SLC39A6: variants seen among roughly 807,000 people sequenced by gnomAD.
The protein encoded by SLC39A6 is zinc transporter ZIP6.
Under a neutral mutation model 63.5 loss-of-function variants are expected in SLC39A6, and 51 were observed. The observed-to-expected ratio is 0.80, with a 90% confidence interval of 0.64 to 1.01. The LOEUF (loss-of-function observed/expected upper bound fraction) is 1.01, where lower values mean the gene tolerates loss of function less well. SLC39A6 is among the 50% of genes least tolerant of loss of function. The pLI, the probability that SLC39A6 is intolerant of heterozygous loss-of-function variation, is 0.00. For synonymous variants in SLC39A6, 318 were observed against 324.7 expected, an observed-to-expected ratio of 0.98 and a Z score of 0.22; for missense variants, 805 against 927.8, an observed-to-expected ratio of 0.87 and a Z score of 1.72.
intron 8 of SLC39A6, 110 bp downstream of exon 8, chr18:36,112,391 T>G: frequency 1.3e-6 from 1 of 767,344 alleles, no homozygotes; most frequent in Non-Finnish European, 2.3e-6. Flanking sequence ...AGCAGACTTA[T>G]GAGAAGGCAT....
chr18:36,124,878 C>T (rs188492739), intron 2 of SLC39A6, among the ~76,000 whole-genome samples, 178 bp from the exon 3 acceptor site: 40 of 152,306 alleles, frequency 2.6e-4, no homozygotes, highest in African/African-American at 8.2e-4. Context: ...ACTATGTCAC[C>T]ACAGTGGTAT....
In SLC39A6 at chr18:36,122,058, CT is replaced by C; in HGVS notation, c.1352del (p.Lys451ArgfsTer34). Reference protein sequence around the residue: ...LTLIKQFKDKKKKNQKKPEND... With the variant: ...LTLIKQFKDKXKKNQKKPEND... Reference sequence around the variant, plus strand: ...TCGGTATACTTTTTCTTACCTTTTTCTTCTTATCTTTAAATTGTTTGATCAA... The same window carrying C: ...TCGGTATACTTTTTCTTACCTTTTTCTCTTATCTTTAAATTGTTTGATCAA... On this transcript the variant is annotated frameshift_variant, in exon 5 of 10. Transcript: ENST00000269187. LOFTEE classifies it high-confidence loss of function. The C allele has an allele frequency of 6.2e-7, 1 of 1,603,814 alleles. No individual in the cohort carries two copies. Among genetic ancestry groups the C allele is most frequent in the Non-Finnish European group, 8.5e-7 (1 of 1,173,382 alleles).
Position 36,114,494 on chromosome 18 carries a change from G to T in SLC39A6, c.1466-20C>A, listed in dbSNP as rs2089328077. ...CAGTTCCTAGGAATAAACATAAAGG[G>T]CATGGGGACAGTTAGAAGGCTTTGT... On this transcript the variant is annotated intron_variant, in intron 6 of 9. Transcript: ENST00000269187. The T allele has an allele frequency of 3.8e-6, 6 of 1,577,602 alleles. No homozygotes were observed. The highest frequency in any genetic ancestry group is 8.6e-7 in the Non-Finnish European group (1 of 1,162,222).
At chr18:36,117,563 G>C (rs2089356231) in intron 5 of SLC39A6, among the ~76,000 whole-genome samples, 1 of 151,976 alleles carries the variant, frequency 6.6e-6, no homozygotes, top group Non-Finnish European at 1.5e-5. Flanking sequence ...TTTGAACAAT[G>C]GTGTCTGTGT....
chr18:36,123,345 A>G (rs2089409267), intron 4 of SLC39A6, 150 bp downstream of exon 4: 2 of 698,568 alleles, frequency 2.9e-6, no homozygotes, highest in Non-Finnish European at 4.7e-6. Context: ...GAGCAGAAAA[A>G]TACAGCTTTC....
chr18:36,116,883 TC>T, intron 5 of SLC39A6, 104 bp from the exon 6 acceptor site: 1 of 706,036 alleles, frequency 1.4e-6, no homozygotes, highest in Non-Finnish European at 2.4e-6. Flanking sequence ...GCCCCCACAG[TC>T]ATCTACTCTT....
At chr18:36,111,388 AG>A (rs2089298524) in intron 8 of SLC39A6, 139 bp from the exon 9 acceptor site, 4 of 727,938 alleles carry the variant, frequency 5.5e-6, no homozygotes, top group Non-Finnish European at 9.0e-6. Context: ...AGAATGACCT[AG>A]GGTTAAAGCA....
rs1161485051 is a variant in SLC39A6 at position 36,114,356 on chromosome 18, G to A, written c.1584C>T (p.Tyr528=). 1 of 1,614,224 alleles carries A rather than the reference G, an allele frequency of 6.2e-7. No homozygotes were observed. The highest frequency in any genetic ancestry group is 8.5e-7 in the Non-Finnish European group (1 of 1,180,042). Residue 528 remains tyrosine, a synonymous_variant, in exon 7 of 10, where the codon TAC becomes TAT. Transcript: ENST00000269187. ...TGCACCCTCTGGGTACATATTCATT[G>A]TAGACTTCCTGTGGATGAGCATGAG... is the stretch of plus-strand genomic sequence containing the variant. ...MIAHAHPQEV[Y]NEYVPRGCKN...
In SLC39A6 at chr18:36,126,597, A is replaced by G. The variant is rs778870799; in HGVS notation, c.411T>C (p.Ser137=). ...DHHSHHNHAA[S]GKNKRKALCP... Reference sequence around the variant, plus strand: ...AAAGAGCTTTTCGCTTATTTTTACCAGAAGCAGCATGATTATGGTGAGAGT... The same window carrying G: ...AAAGAGCTTTTCGCTTATTTTTACCGGAAGCAGCATGATTATGGTGAGAGT... Residue 137 remains serine (S), a synonymous_variant, in exon 2 of 10, where the codon TCT becomes TCC. Coordinates refer to ENST00000269187, the MANE Select transcript of SLC39A6 (RefSeq NM_012319.4). 58 of 1,614,002 alleles carry G rather than the reference A, an allele frequency of 3.6e-5. No homozygotes were observed. Among genetic ancestry groups the G allele is most frequent in the Non-Finnish European group, 4.7e-5 (56 of 1,180,002 alleles).
intron 5 of SLC39A6, among the ~76,000 whole-genome samples, chr18:36,117,725 T>A (rs1186332143): frequency 6.6e-6 from 1 of 152,138 alleles, no homozygotes; most frequent in African/African-American, 2.4e-5. Context: ...ATTCTTAGAT[T>A]TTAAGAGCTT....
At chr18:36,118,537 G>C (rs1162458881) in intron 5 of SLC39A6, among the ~76,000 whole-genome samples, 5 of 152,156 alleles carry the variant, frequency 3.3e-5, no homozygotes, top group Non-Finnish European at 7.3e-5. Flanking sequence ...TCCAGGCAGG[G>C]AGTAGCACCA....
chr18:36,115,575 A>G (rs183411622), intron 6 of SLC39A6, among the ~76,000 whole-genome samples: 1 of 152,294 alleles, frequency 6.6e-6, no homozygotes, highest in Admixed American at 6.5e-5. Context: ...TCTAAAGGAG[A>G]TACCTGATTT....
chr18:36,114,638 A>G (rs2089329182), intron 6 of SLC39A6, among the ~76,000 whole-genome samples, 164 bp from the exon 7 acceptor site: 1 of 152,210 alleles, frequency 6.6e-6, no homozygotes, highest in Non-Finnish European at 1.5e-5. Context: ...AAAAACATCA[A>G]AAGATTTTAA....
rs569812250 is a variant in SLC39A6, at chr18:36,114,553, A to G, written c.1466-79T>C. The G allele has an allele frequency of 6.6e-4, 733 of 1,111,748 alleles. 1 individual carries two copies. Among genetic ancestry groups the G allele is most frequent in the Non-Finnish European group, 8.3e-4 (648 of 783,238 alleles). 68.9% of individuals were successfully genotyped at this position (1,111,748 alleles called of 1,614,324 possible). A position where few individuals can be genotyped will look rare whatever the true frequency, so the allele number is the denominator to read the frequency against. On this transcript the variant is annotated intron_variant, in intron 6 of 9. Coordinates refer to ENST00000269187, the MANE Select transcript of SLC39A6 (RefSeq NM_012319.4). ...TTGGAGACATTTCAAACCTCATTGA[A>G]AAAGTCAACAGAAGATCTTAAAGCA...
Position 36,108,908 on chromosome 18 carries a change from T to C in SLC39A6, c.*685A>G, listed in dbSNP as rs1000317584. The C allele has an allele frequency of 6.6e-6, 1 of 152,216 alleles. No homozygotes were observed. The highest frequency in any genetic ancestry group is 2.4e-5 in the African/African-American group (1 of 41,470). The allele number at this position is 152,216 out of a possible 1,614,324, so 9.4% of individuals were successfully genotyped here. A position where few individuals can be genotyped will look rare whatever the true frequency, so the allele number is the denominator to read the frequency against. On this transcript the variant is annotated 3_prime_UTR_variant, in exon 10 of 10. Transcript: ENST00000269187. ...ATTCCAATTTCTTGGTCAAGTGATA[T>C]ATTGCTTGAATTCATTAAATATATT... is the stretch of plus-strand genomic sequence containing the variant.
chr18:36,110,703 TA>T (rs1182468442), intron 9 of SLC39A6, among the ~76,000 whole-genome samples: 1 of 152,040 alleles, frequency 6.6e-6, no homozygotes, highest in African/African-American at 2.4e-5. Flanking sequence ...CAACCCTGGT[TA>T]ATTTTTTTGT....
chr18:36,123,609 CCCCA>C lies in SLC39A6; in HGVS notation c.1022_1025del (p.Leu341ArgfsTer4). On this transcript the variant is annotated frameshift_variant, in exon 4 of 10. Coordinates refer to ENST00000269187, the MANE Select transcript of SLC39A6 (RefSeq NM_012319.4). LOFTEE classifies it high-confidence loss of function. ...GATTCATGAGAGGCACTAAGATAAC[CCCCA>C]GCAGAGACAGGAAACTGATGATGGA... 6.2e-7 allele frequency: 1 copy of C among 1,612,922 alleles called. No homozygotes were observed. The highest frequency in any genetic ancestry group is 8.5e-7 in the Non-Finnish European group (1 of 1,179,728).
chr18:36,125,172 T>G (rs2236718), intron 2 of SLC39A6, among the ~76,000 whole-genome samples: 98,769 of 151,832 alleles, frequency 0.65, 32,322 homozygotes, highest in East Asian at 0.81. Context: ...TCTACATACC[T>G]GGCAAAGTAA....
chr18:36,114,004 C>T (rs2089322662), intron 7 of SLC39A6, 93 bp downstream of exon 7: 4 of 1,448,322 alleles, frequency 2.8e-6, no homozygotes, highest in Non-Finnish European at 3.7e-6. Flanking sequence ...ATATCCTCAT[C>T]TAAACTAATC....
Sources: allele counts gnomAD v4.1 joint callset (sites outside exome capture counted in the v4.1 genomes callset), GRCh38; gene constraint gnomAD v4.1.1; transcripts MANE v1.5; gene names NCBI Gene and HGNC (gene_info 2026-07-23, HGNC 2026-07-21).